The following TRAF2 variants were observed in gnomAD, a reference collection of about 807,000 sequenced individuals.
TRAF2 encodes TNF receptor associated factor 2.
Under a neutral mutation model 55.6 loss-of-function variants are expected in TRAF2, and 6 were observed. The observed-to-expected ratio is 0.11, with a 90% CI of 0.06 to 0.21. TRAF2 has a LOEUF of 0.21. Among genes scored for constraint, TRAF2 ranks in the 10% least tolerant of loss-of-function variants. The pLI is 1.00. For missense variants in TRAF2, 561 were observed against 684.5 expected (o/e 0.82, Z 2.01); for synonymous variants, 329 against 276.3 (o/e 1.19, Z -1.89).
intron 5 of TRAF2, among the ~76,000 whole-genome samples, chr9:136,908,712 AAAAC>A (rs528547436): frequency 6.2e-4 from 95 of 152,150 alleles, no homozygotes; most frequent in African/African-American, 2.2e-3. Context: ...TAAAAATACA[AAAAC>A]AAAATTAGCT....
At chr9:136,913,248 T>G (rs1286575435) in intron 6 of TRAF2, among the ~76,000 whole-genome samples, 1 of 151,380 alleles carries the variant, frequency 6.6e-6, no homozygotes, top group Non-Finnish European at 1.5e-5. Context: ...TGGAAGTACA[T>G]CTTATGAAGA....
chr9:136,899,523 T>A, intron 2 of TRAF2, 71 bp from the exon 3 acceptor site: 2 of 1,469,816 alleles, frequency 1.4e-6, no homozygotes, highest in Non-Finnish European at 1.9e-6. Flanking sequence ...GTTTTTGAAC[T>A]GAAGCAAATG....
At chr9:136,900,667 G>A in intron 4 of TRAF2, 147 bp downstream of exon 4, 1 of 729,288 alleles carries the variant, frequency 1.4e-6, no homozygotes, top group Non-Finnish European at 2.5e-6. Flanking sequence ...AGACGGAGCT[G>A]CTCCTTAGAG....
At chr9:136,886,093 C>T (rs1473271850), upstream of TRAF2, 1 of 152,336 alleles carries the variant, frequency 6.6e-6, no homozygotes, top group African/African-American at 2.4e-5. Flanking sequence ...GGGCTCCCGG[C>T]TCACCTCTCG....
intron 9 of TRAF2, among the ~76,000 whole-genome samples, chr9:136,922,774 G>A (rs1430040680): frequency 3.0e-5 from 4 of 134,060 alleles, no homozygotes; most frequent in Non-Finnish European, 6.4e-5. Context: ...GGACTAGGAC[G>A]GGGGGAGGAT....
chr9:136,888,775 C>T (rs1370046763), intron 1 of TRAF2, among the ~76,000 whole-genome samples: 2 of 152,214 alleles, frequency 1.3e-5, no homozygotes, highest in African/African-American at 2.4e-5. Flanking sequence ...TGCCTGATGA[C>T]TCCAGCTTAG....
intron 4 of TRAF2, among the ~76,000 whole-genome samples, chr9:136,904,075 G>T (rs1849888349): frequency 6.6e-6 from 1 of 152,222 alleles, no homozygotes; most frequent in Admixed American, 6.5e-5. Context: ...AGGCCTACAT[G>T]CTGCCCCGCA....
chr9:136,913,211 C>G (rs149884721), intron 6 of TRAF2, among the ~76,000 whole-genome samples: 106 of 151,744 alleles, frequency 7.0e-4, no homozygotes, highest in African/African-American at 2.4e-3. Context: ...ATGAGGCCAC[C>G]TGTTTCTTCG....
At position 136,913,698 on chromosome 9, in the gene TRAF2, G is replaced by GT. The variant is rs565641595; in HGVS notation, c.604-2835dup. On this transcript the variant is annotated intron_variant, in intron 6 of 10. Transcript: ENST00000247668. ...CTTCAGGTTCTTTTAAAATGTGAGGGTTTTTTTTAAAGATTTGCTTTTGTT... is the reference window on the plus strand; with the variant it reads ...CTTCAGGTTCTTTTAAAATGTGAGGGTTTTTTTTTAAAGATTTGCTTTTGTT... Among the ~76,000 whole-genome samples, 87 of 152,072 alleles carry GT rather than the reference G, an allele frequency of 5.7e-4. 1 individual carries two copies. Among genetic ancestry groups the GT allele is most frequent in the African/African-American group, 1.0e-3 (42 of 41,472 alleles).
At chr9:136,919,666 T>C (rs1047036402) in intron 7 of TRAF2, among the ~76,000 whole-genome samples, 3 of 73,830 alleles carry the variant, frequency 4.1e-5, no homozygotes, top group African/African-American at 5.8e-5. Context: ...CTCCCCCTCC[T>C]TCTTTCCCTC....
At chr9:136,909,379 T>C (rs1336780886) in intron 5 of TRAF2, among the ~76,000 whole-genome samples, 1 of 152,234 alleles carries the variant, frequency 6.6e-6, no homozygotes, top group East Asian at 1.9e-4. Flanking sequence ...TCTGGGTCTC[T>C]CTCTGCCTCT....
At chr9:136,899,043 G>T in intron 2 of TRAF2, 115 bp downstream of exon 2, 1 of 1,000,246 alleles carries the variant, frequency 1.0e-6, no homozygotes, top group South Asian at 1.7e-5. Context: ...ATGTGCTCCA[G>T]TTATCGATAC....
Position 136,920,512 on chromosome 9 carries a change from C to A in TRAF2, c.957C>A (p.Ser319Arg). Reference protein sequence around the residue: ...LDQDKIEALSSKVQQLERSIG... With the variant: ...LDQDKIEALSRKVQQLERSIG... ...AAGACAAGATTGAAGCCCTGAGTAG[C>A]AAGGTTTGTGCCTGCCGGGTGGCCA... The change falls in exon 8 of 11, where the codon AGC (serine) becomes AGA (arginine). Residue 319 changes from serine to arginine, a missense_variant. Physicochemically the swap from Ser to Arg is moderately radical, Grantham distance 110 (BLOSUM62 -1). Around this residue, in one of 2 missense-constraint regions of TRAF2, gnomAD observed 426 missense variants for 476.8 expected, o/e 0.89. Transcript: ENST00000247668. 1 of 1,608,134 alleles carries A rather than the reference C, an allele frequency of 6.2e-7. No individual in the cohort carries two copies. Among genetic ancestry groups the A allele is most frequent in the Non-Finnish European group, 8.5e-7 (1 of 1,176,436 alleles).
At chr9:136,916,460 G>GT in intron 6 of TRAF2, 81 bp from the exon 7 acceptor site, 1 of 1,420,592 alleles carries the variant, frequency 7.0e-7, no homozygotes, top group Non-Finnish European at 9.9e-7. Context: ...TAACCTCTGT[G>GT]TCAGTCAGTG....
rs373488491 is a variant in TRAF2, at chr9:136,925,973, G to A, written c.*72G>A. The A allele has an allele frequency of 8.3e-6, 13 of 1,561,122 alleles. No homozygotes were observed. The highest frequency in any genetic ancestry group is 5.4e-5 in the African/African-American group (4 of 74,026). On this transcript the variant is annotated 3_prime_UTR_variant, in exon 11 of 11. Coordinates refer to ENST00000247668, the MANE Select transcript of TRAF2 (RefSeq NM_021138.4). ...GGCTCACGGAGGGGCCACCACGCTGGGCCAGGGTCTCACTGTACAAGTGGG... is the reference window on the plus strand; with the variant it reads ...GGCTCACGGAGGGGCCACCACGCTGAGCCAGGGTCTCACTGTACAAGTGGG...
At chr9:136,898,622 AC>A in intron 1 of TRAF2, 90 bp from the exon 2 acceptor site, 1 of 1,534,972 alleles carries the variant, frequency 6.5e-7, no homozygotes, top group Admixed American at 1.9e-5. Flanking sequence ...CCGGCCCCTC[AC>A]CATCGCCTGC....
At chr9:136,888,925 G>A (rs1849513497) in intron 1 of TRAF2, among the ~76,000 whole-genome samples, 1 of 152,192 alleles carries the variant, frequency 6.6e-6, no homozygotes, top group African/African-American at 2.4e-5. Context: ...GAGTGCAGTG[G>A]CACGATCTCG....
chr9:136,890,267 ACTT>A (rs1450426933), intron 1 of TRAF2: 1 of 152,266 alleles, frequency 6.6e-6, no homozygotes, highest in African/African-American at 2.4e-5. Flanking sequence ...TTTTTAGCTG[ACTT>A]AGCTGATAGA....
intron 4 of TRAF2, among the ~76,000 whole-genome samples, chr9:136,906,364 G>A (rs1329191059): frequency 6.6e-6 from 1 of 152,136 alleles, no homozygotes; most frequent in African/African-American, 2.4e-5. Flanking sequence ...TGCCTGGGGA[G>A]GCCTCACAAT....
Sources: allele counts gnomAD v4.1 joint callset (sites outside exome capture counted in the v4.1 genomes callset), GRCh38; gene constraint gnomAD v4.1.1; regional missense constraint gnomAD v4.1.1; transcripts MANE v1.5; gene names NCBI Gene and HGNC (gene_info 2026-07-23, HGNC 2026-07-21).